CCDC3: variants seen among roughly 807,000 people sequenced by gnomAD.
The protein encoded by CCDC3 is coiled-coil domain-containing protein 3.
Under a neutral mutation model 21.4 loss-of-function variants are expected in CCDC3, and 24 were observed. The observed-to-expected ratio is 1.12, with a 90% CI of 0.81 to 1.58. The LOEUF (loss-of-function observed/expected upper bound fraction) is 1.58. Ranked by LOEUF, CCDC3 falls within the 40% of genes most tolerant of loss-of-function variation. The pLI, the probability that CCDC3 is intolerant of heterozygous loss-of-function variation, is 0.00. For synonymous variants in CCDC3, 186 were observed against 166.0 expected (o/e 1.12, Z -0.93); for missense variants, 425 against 360.9 (o/e 1.18, Z -1.44).
intron 4 of CCDC3, among the ~76,000 whole-genome samples, chr10:13,071,862 T>C (rs1466118552): frequency 6.6e-6 from 1 of 152,142 alleles, no homozygotes; most frequent in African/African-American, 2.4e-5. Context: ...TTTTCCTTTT[T>C]TTTTCCTCTG....
chr10:13,052,128 G>A (rs567438415), intron 4 of CCDC3, among the ~76,000 whole-genome samples: 3 of 152,206 alleles, frequency 2.0e-5, no homozygotes, highest in South Asian at 2.1e-4. Context: ...TGATCCCAGC[G>A]CTTTGAGAGG....
intron 3 of CCDC3, among the ~76,000 whole-genome samples, chr10:13,096,788 G>C (rs778957447): frequency 2.6e-5 from 4 of 152,110 alleles, no homozygotes; most frequent in Non-Finnish European, 4.4e-5. Flanking sequence ...GGTGCTGCAG[G>C]GACTGAGGCT....
intron 5 of CCDC3, among the ~76,000 whole-genome samples, chr10:13,014,471 G>A (rs12778994): frequency 5.3e-4 from 73 of 137,562 alleles, no homozygotes; most frequent in East Asian, 8.6e-4. Flanking sequence ...AAAAAAAAAA[G>A]AAAAAAAAAA....
chr10:12,999,828 TC>T (rs921194381), intron 1 of CCDC3, among the ~76,000 whole-genome samples: 4 of 152,244 alleles, frequency 2.6e-5, no homozygotes, highest in African/African-American at 7.2e-5. Flanking sequence ...TTTCTCAGTA[TC>T]TTTCCTAATT....
chr10:13,053,767 C>G (rs1357126253), intron 4 of CCDC3, among the ~76,000 whole-genome samples: 1 of 152,138 alleles, frequency 6.6e-6, no homozygotes, highest in Non-Finnish European at 1.5e-5. Flanking sequence ...CTCGTTTGAT[C>G]CTGATAAGCC....
At chr10:13,046,449 G>A (rs1169492621) in intron 5 of CCDC3, among the ~76,000 whole-genome samples, 2 of 151,652 alleles carry the variant, frequency 1.3e-5, no homozygotes, top group East Asian at 1.9e-4. Flanking sequence ...GCTCATGCCT[G>A]TAATCCCAGC....
chr10:12,981,259 A>C (rs1299857413), intron 2 of CCDC3, among the ~76,000 whole-genome samples: 1 of 142,772 alleles, frequency 7.0e-6, no homozygotes, highest in Non-Finnish European at 1.5e-5. Flanking sequence ...GGTTCATGGC[A>C]ACTGCCGCCT....
chr10:12,954,385 G>C lies in CCDC3; in HGVS notation c.549+43953C>G, dbSNP rs1310583162. 2.6e-5 allele frequency among the ~76,000 whole-genome samples: 4 copies of C among 152,198 alleles called. No homozygotes were observed. In the East Asian group the frequency reaches 7.7e-4, roughly 29 times the overall value. ...TCCTGAATTTTCTTTCCATGATGTA[G>C]ATTATCAAATTACGTCTTTGTCCAT... On this transcript the variant is annotated intron_variant, in intron 2 of 2. Transcript: ENST00000378825.
chr10:12,969,285 A>G (rs1157534605), intron 2 of CCDC3, among the ~76,000 whole-genome samples: 1 of 152,202 alleles, frequency 6.6e-6, no homozygotes, highest in Middle Eastern at 3.2e-3. Flanking sequence ...GAATGACTAT[A>G]ATAAAAAAGA....
chr10:12,915,698 T>G (rs1396141346), intron 2 of CCDC3, among the ~76,000 whole-genome samples: 2 of 152,166 alleles, frequency 1.3e-5, no homozygotes, highest in Non-Finnish European at 2.9e-5. Context: ...TACTGGAGCC[T>G]TTGGGTAGGC....
At chr10:13,035,688 C>G (rs748892079) in intron 5 of CCDC3, among the ~76,000 whole-genome samples, 5 of 152,212 alleles carry the variant, frequency 3.3e-5, no homozygotes, top group Non-Finnish European at 7.3e-5. Flanking sequence ...GTTTTATGAT[C>G]ATCATTCACG....
chr10:12,917,192 T>C (rs879340559), intron 2 of CCDC3, among the ~76,000 whole-genome samples: 12,309 of 120,078 alleles, frequency 0.1, 796 homozygotes, highest in South Asian at 0.14. Flanking sequence ...TTTTTTTTTT[T>C]TTTTTTTTTT....
chr10:12,995,130 T>C (rs1835741550), intron 2 of CCDC3, among the ~76,000 whole-genome samples: 1 of 151,662 alleles, frequency 6.6e-6, no homozygotes, highest in Non-Finnish European at 1.5e-5. Flanking sequence ...AATTCACAAC[T>C]ATTTTAATCA....
chr10:12,899,048 G>A (rs1345957702), intron 2 of CCDC3, among the ~76,000 whole-genome samples: 1 of 152,166 alleles, frequency 6.6e-6, no homozygotes, highest in Non-Finnish European at 1.5e-5. Flanking sequence ...AATGGGGGGA[G>A]TCAGGTGGCC....
At chr10:12,990,403 T>C (rs1348382089) in intron 2 of CCDC3, among the ~76,000 whole-genome samples, 1 of 152,206 alleles carries the variant, frequency 6.6e-6, no homozygotes, top group Admixed American at 6.5e-5. Context: ...CAAAGTATGA[T>C]GGTTGTCTCA....
At chr10:12,925,732 C>T (rs957272342) in intron 2 of CCDC3, among the ~76,000 whole-genome samples, 5 of 152,250 alleles carry the variant, frequency 3.3e-5, no homozygotes, top group Admixed American at 1.3e-4. Flanking sequence ...AGTCCTCCGT[C>T]CCCATGTAGT....
intron 2 of CCDC3, among the ~76,000 whole-genome samples, chr10:12,960,488 C>T (rs1364636088): frequency 2.0e-5 from 3 of 152,112 alleles, no homozygotes; most frequent in African/African-American, 7.2e-5. Flanking sequence ...AAGCAGCTGC[C>T]AGGCAGGGAG....
At chr10:13,024,726 A>G (rs1418337044) in intron 5 of CCDC3, among the ~76,000 whole-genome samples, 1 of 152,230 alleles carries the variant, frequency 6.6e-6, no homozygotes, top group East Asian at 1.9e-4. Flanking sequence ...ACTAAAAAGA[A>G]GCCAGATTGC....
intron 4 of CCDC3, among the ~76,000 whole-genome samples, chr10:13,057,265 C>A (rs1239043268): frequency 6.6e-6 from 1 of 151,978 alleles, no homozygotes; most frequent in Non-Finnish European, 1.5e-5. Flanking sequence ...GCACTCCAGC[C>A]TGGGTGACAG....
Sources: allele counts gnomAD v4.1 joint callset (sites outside exome capture counted in the v4.1 genomes callset), GRCh38; gene constraint gnomAD v4.1.1; transcripts MANE v1.5; gene names NCBI Gene and HGNC (gene_info 2026-07-23, HGNC 2026-07-21).